Variants in CWF19L1 observed in about 807,000 individuals in gnomAD.
CWF19L1 encodes CWF19-like protein 1.
CWF19L1 carries 60 observed loss-of-function variants against 69.7 expected under a neutral mutation model. The observed-to-expected ratio is 0.86, with a 90% CI of 0.70 to 1.07. CWF19L1 has a LOEUF of 1.07. Among genes scored for constraint, CWF19L1 ranks in the 50% least tolerant of loss-of-function variants. CWF19L1 has a pLI of 0.00. For missense variants in CWF19L1, 591 were observed against 638.9 expected (o/e 0.92, Z 0.81); for synonymous variants, 209 against 222.2 (o/e 0.94, Z 0.53).
chr10:100,248,545 G>A, intron 7 of CWF19L1: 1 of 717,092 alleles, frequency 1.4e-6, no homozygotes, highest in Non-Finnish European at 2.6e-6. Context: ...GTGCACATGG[G>A]GGCCTGTCGC....
chr10:100,264,418 G>A (rs1399091093), intron 1 of CWF19L1, among the ~76,000 whole-genome samples: 9 of 151,898 alleles, frequency 5.9e-5, no homozygotes, highest in African/African-American at 2.2e-4. Flanking sequence ...GGTGGCGGGC[G>A]CCTGTAGTCC....
chr10:100,239,487 A>G (rs1416982340), intron 10 of CWF19L1, among the ~76,000 whole-genome samples: 2 of 152,114 alleles, frequency 1.3e-5, no homozygotes, highest in Admixed American at 1.3e-4. Flanking sequence ...AAAAATACAA[A>G]AATTAGCTGG....
At position 100,266,189 on chromosome 10, in the gene CWF19L1, A is replaced by AT. The variant is rs67759652; in HGVS notation, c.23+1381dup. Among the ~76,000 whole-genome samples the AT allele has an allele frequency of 9.7e-3, 1,305 of 134,136 alleles. 10 individuals carry two copies. Among genetic ancestry groups the AT allele is most frequent in the East Asian group, 0.016 (77 of 4,672 alleles). 88.0% of individuals were successfully genotyped at this position (134,136 alleles called of 152,430 possible). A position where few individuals can be genotyped will look rare whatever the true frequency, so the allele number is the denominator to read the frequency against. On this transcript the variant is annotated intron_variant, in intron 1 of 13. Coordinates refer to ENST00000354105, the MANE Select transcript of CWF19L1 (RefSeq NM_018294.6). Reference sequence around the variant, plus strand: ...CTTCCCAAAAGTTACCACTATTGCAATTTTTTTTTTTTTTTTTTTGAGACA... The same window carrying AT: ...CTTCCCAAAAGTTACCACTATTGCAATTTTTTTTTTTTTTTTTTTTGAGACA...
intron 7 of CWF19L1, among the ~76,000 whole-genome samples, chr10:100,247,333 A>G (rs1846860319): frequency 6.6e-6 from 1 of 152,160 alleles, no homozygotes; most frequent in African/African-American, 2.4e-5. Context: ...ACTGCCATTT[A>G]TTTTTCCTAA....
intron 7 of CWF19L1, 116 bp from the exon 8 acceptor site, chr10:100,247,051 G>T (rs182972516): frequency 2.1e-6 from 2 of 964,360 alleles, no homozygotes; most frequent in Admixed American, 2.9e-5. Flanking sequence ...AAAATTAAAA[G>T]AACAGCAACC....
Position 100,236,828 on chromosome 10 carries a change from A to C in CWF19L1, c.1374+22T>G, listed in dbSNP as rs1314385756. On this transcript the variant is annotated intron_variant, in intron 12 of 13. Transcript: ENST00000354105. The stretch of plus-strand genomic sequence containing the variant: ...AAAACAGATATTTACTCTTCCCTGA[A>C]TATCACCATCCCCTGTTTCACCTGC... 4 of 1,568,058 alleles carry C rather than the reference A, an allele frequency of 2.6e-6. No individual in the cohort carries two copies. The Admixed American group carries it at 6.1e-5, about 24-fold the overall frequency.
At position 100,235,652 on chromosome 10, in the gene CWF19L1, A is replaced by C; in HGVS notation, c.1472+15T>G. On this transcript the variant is annotated intron_variant, in intron 13 of 13. Coordinates refer to ENST00000354105, the MANE Select transcript of CWF19L1 (RefSeq NM_018294.6). The stretch of plus-strand genomic sequence containing the variant: ...CAGGTCTAGTGAAAATACATTGAAA[A>C]GAAGAAAAACATACCTTCCAAACTG... 2.5e-6 allele frequency: 4 copies of C among 1,575,416 alleles called. No homozygotes were observed. Among genetic ancestry groups the C allele is most frequent in the Non-Finnish European group, 3.5e-6 (4 of 1,147,984 alleles).
At chr10:100,240,553 C>G (rs1488373139) in intron 10 of CWF19L1, among the ~76,000 whole-genome samples, 1 of 152,116 alleles carries the variant, frequency 6.6e-6, no homozygotes, top group Non-Finnish European at 1.5e-5. Context: ...AGTTTCAGGC[C>G]TAGATGAGAA....
At chr10:100,262,120 T>C (rs1487709779) in intron 1 of CWF19L1, 57 bp from the exon 2 acceptor site, 15 of 1,581,918 alleles carry the variant, frequency 9.5e-6, no homozygotes, top group Non-Finnish European at 1.2e-5. Flanking sequence ...GCCTGCCGGG[T>C]TTGGTATATA....
intron 1 of CWF19L1, chr10:100,262,531 G>A (rs1168329199): frequency 1.1e-5 from 10 of 893,024 alleles, no homozygotes; most frequent in Non-Finnish European, 1.3e-5. Context: ...CATACGCTAA[G>A]TACAATATGC....
chr10:100,242,692 A>T (rs986522092), intron 10 of CWF19L1, among the ~76,000 whole-genome samples: 5 of 147,592 alleles, frequency 3.4e-5, no homozygotes, highest in East Asian at 3.9e-4. Flanking sequence ...AAAAAAAAAA[A>T]TTTCATAAGG....
At chr10:100,258,453 G>C (rs2134317034) in intron 4 of CWF19L1, 1 of 152,276 alleles carries the variant, frequency 6.6e-6, no homozygotes, top group East Asian at 1.9e-4. Flanking sequence ...AATATCTACA[G>C]TAATGCCCTT....
At chr10:100,261,231 G>GT (rs1847388555) in intron 2 of CWF19L1, among the ~76,000 whole-genome samples, 187 bp from the exon 3 acceptor site, 1 of 152,162 alleles carries the variant, frequency 6.6e-6, no homozygotes, top group Non-Finnish European at 1.5e-5. Context: ...GAATTATTAA[G>GT]TTTTGGCTCT....
At chr10:100,238,268 A>G (rs369116584) in intron 10 of CWF19L1, 37 bp from the exon 11 acceptor site, 12 of 1,581,526 alleles carry the variant, frequency 7.6e-6, no homozygotes, top group Non-Finnish European at 1.0e-5. Context: ...ACATCAATAC[A>G]GCATGTAGGA....
chr10:100,233,191 T>C lies in CWF19L1; in HGVS notation c.*36A>G. On this transcript the variant is annotated 3_prime_UTR_variant, in exon 14 of 14. Coordinates refer to ENST00000354105, the MANE Select transcript of CWF19L1 (RefSeq NM_018294.6). Reference sequence around the variant, plus strand: ...TAAAAAAAAAAAAAAGCTTTACTACTTCCTGTGGAGTTCATAAAAAGTTCT... The same window carrying C: ...TAAAAAAAAAAAAAAGCTTTACTACCTCCTGTGGAGTTCATAAAAAGTTCT... 6.4e-7 allele frequency: 1 copy of C among 1,554,476 alleles called. No homozygotes were observed.
intron 7 of CWF19L1, chr10:100,248,972 G>GC (rs1846928278): frequency 2.0e-5 from 14 of 706,062 alleles, no homozygotes; most frequent in Non-Finnish European, 3.6e-5. Flanking sequence ...ATAGAGCTGC[G>GC]CAAGCTGGAA....
At chr10:100,260,024 C>T (rs1004793972) in intron 4 of CWF19L1, among the ~76,000 whole-genome samples, 194 bp downstream of exon 4, 41 of 151,828 alleles carry the variant, frequency 2.7e-4, no homozygotes, top group African/African-American at 9.0e-4. Context: ...AAAAATTAGC[C>T]GGGTATGGTC....
chr10:100,260,870 T>G, intron 3 of CWF19L1, 96 bp downstream of exon 3: 2 of 786,116 alleles, frequency 2.5e-6, no homozygotes, highest in Non-Finnish European at 4.1e-6. Flanking sequence ...TGAAAATAAC[T>G]CTTAAATTCT....
At chr10:100,261,410 A>G (rs879660743) in intron 2 of CWF19L1, among the ~76,000 whole-genome samples, 30 of 152,226 alleles carry the variant, frequency 2.0e-4, no homozygotes, top group Non-Finnish European at 4.0e-4. Context: ...ATAGATCTTT[A>G]AAGAATCCCC....
Sources: gnomAD v4.1 joint callset for allele counts (sites outside exome capture counted in the v4.1 genomes callset) on GRCh38, gnomAD v4.1.1 for gene constraint, MANE v1.5 for transcripts, NCBI Gene and HGNC (gene_info 2026-07-23, HGNC 2026-07-21) for gene names.